NBAS: variants seen among roughly 807,000 people sequenced by gnomAD.
NBAS encodes the protein NBAS subunit of NRZ tethering complex, also known as NAG/BC035112 fusion.
Under a neutral mutation model 302.5 loss-of-function variants are expected in NBAS, and 219 were observed. The observed-to-expected ratio is 0.72, with a 90% CI of 0.65 to 0.81. NBAS has a LOEUF of 0.81. Ranked by LOEUF, NBAS falls within the 30% of genes least tolerant of loss-of-function variation. NBAS has a pLI of 0.00. For synonymous variants in NBAS, 1,118 were observed against 1,021.6 expected, an observed-to-expected ratio of 1.09 and a Z score of -1.80; for missense variants, 2,932 against 2,841.6, an observed-to-expected ratio of 1.03 and a Z score of -0.72.
intron 21 of NBAS, among the ~76,000 whole-genome samples, chr2:15,450,082 CACA>C (rs1277018718): frequency 6.6e-6 from 1 of 152,072 alleles, no homozygotes; most frequent in Non-Finnish European, 1.5e-5. Context: ...ATTTTATTAT[CACA>C]ACAAAATTAG....
At chr2:15,245,154 T>A (rs1441939984) in intron 44 of NBAS, among the ~76,000 whole-genome samples, 1 of 152,122 alleles carries the variant, frequency 6.6e-6, no homozygotes, top group Non-Finnish European at 1.5e-5. Flanking sequence ...CTCAAATCCG[T>A]GTAATGGCTT....
the NBAS span, among the ~76,000 whole-genome samples, chr2:15,045,411 G>A: frequency 1.3e-5 from 2 of 152,190 alleles, no homozygotes; most frequent in Non-Finnish European, 2.9e-5. Context: ...CAGTTGGAGT[G>A]GCCTTGCAGT....
the NBAS span, among the ~76,000 whole-genome samples, chr2:15,020,813 A>G: frequency 1.3e-5 from 2 of 152,164 alleles, no homozygotes; most frequent in South Asian, 2.1e-4. Context: ...AGAGAGCATT[A>G]CAACTCTGCT....
intron 21 of NBAS, among the ~76,000 whole-genome samples, chr2:15,453,614 A>C (rs1679118988): frequency 6.6e-6 from 1 of 152,136 alleles, no homozygotes; most frequent in African/African-American, 2.4e-5. Context: ...AGAAAGAAAA[A>C]TGGCAACACC....
chr2:15,287,711 T>G (rs920131892), intron 41 of NBAS, among the ~76,000 whole-genome samples: 1 of 149,250 alleles, frequency 6.7e-6, no homozygotes, highest in Non-Finnish European at 1.5e-5. Flanking sequence ...ACATCCCGCA[T>G]AGGCATCCCA....
chr2:15,354,199 A>C (rs1288786294), intron 33 of NBAS, among the ~76,000 whole-genome samples: 1 of 152,202 alleles, frequency 6.6e-6, no homozygotes, highest in Non-Finnish European at 1.5e-5. Flanking sequence ...GTAAACTGCA[A>C]AGTGCTAGAA....
At chr2:15,197,424 G>A (rs1572431770) in intron 48 of NBAS, among the ~76,000 whole-genome samples, 2 of 152,116 alleles carry the variant, frequency 1.3e-5, no homozygotes, top group Non-Finnish European at 2.9e-5. Flanking sequence ...TGCTGATGAC[G>A]TCTACTTCAT....
the NBAS span, among the ~76,000 whole-genome samples, chr2:15,082,046 G>C: frequency 6.6e-6 from 1 of 152,136 alleles, no homozygotes; most frequent in Non-Finnish European, 1.5e-5. Flanking sequence ...AATAAAGCAA[G>C]ACAACTTAAA....
At chr2:14,968,480 G>A in the NBAS span, among the ~76,000 whole-genome samples, 1 of 151,850 alleles carries the variant, frequency 6.6e-6, no homozygotes, top group African/African-American at 2.4e-5. Context: ...CAGCTGGAAT[G>A]TAGTAGCTAC....
chr2:15,066,970 A>T, the NBAS span, among the ~76,000 whole-genome samples: 2 of 152,110 alleles, frequency 1.3e-5, no homozygotes, highest in Non-Finnish European at 2.9e-5. Context: ...CCATCAACAG[A>T]TCAACCAATA....
the NBAS span, among the ~76,000 whole-genome samples, chr2:15,160,594 G>C: frequency 4.6e-5 from 5 of 108,402 alleles, 2 homozygotes; most frequent in South Asian, 1.3e-3. Context: ...GCGGGGGGAG[G>C]GGGGGGGGCA....
chr2:14,839,305 C>T, the NBAS span, among the ~76,000 whole-genome samples: 6 of 150,388 alleles, frequency 4.0e-5, no homozygotes, highest in African/African-American at 1.5e-4. Context: ...TCACCCAACT[C>T]AGGGTTTTTA....
chr2:14,911,589 G>A, the NBAS span, among the ~76,000 whole-genome samples: 6 of 152,266 alleles, frequency 3.9e-5, no homozygotes, highest in South Asian at 6.2e-4. Context: ...TACAATCTCC[G>A]AGACATGGTT....
Position 15,268,491 on chromosome 2 carries a change from G to A in NBAS, c.5724+6993C>T, listed in dbSNP as rs1572559137. On this transcript the variant is annotated intron_variant, in intron 44 of 51. Coordinates refer to ENST00000281513, the MANE Select transcript of NBAS (RefSeq NM_015909.4). ...CACATGATAAAATGGTAATACTTAG[G>A]ACAATTTTACCTAATTTGTTTGATT... Among the ~76,000 whole-genome samples the A allele has an allele frequency of 2.0e-5, 3 of 152,250 alleles. No individual in the cohort carries two copies. In the South Asian group the frequency reaches 6.2e-4, roughly 32 times the overall value.
chr2:15,329,639 A>C (rs1312450819), intron 36 of NBAS, among the ~76,000 whole-genome samples: 2 of 152,064 alleles, frequency 1.3e-5, no homozygotes, highest in Non-Finnish European at 2.9e-5. Flanking sequence ...CCACCTTCTG[A>C]TCTCATCTCC....
At chr2:15,559,103 G>C (rs1196525036) in intron 1 of NBAS, among the ~76,000 whole-genome samples, 1 of 143,858 alleles carries the variant, frequency 7.0e-6, no homozygotes, top group East Asian at 2.0e-4. Context: ...CACAGGACGC[G>C]GGACAATAGG....
chr2:15,397,464 C>T (rs1371426710), intron 26 of NBAS: 4 of 496,446 alleles, frequency 8.1e-6, no homozygotes, highest in African/African-American at 2.0e-5. Flanking sequence ...GGTTGTGGGG[C>T]AGCACCCGCA....
At chr2:14,818,136 A>G in the NBAS span, among the ~76,000 whole-genome samples, 6 of 152,136 alleles carry the variant, frequency 3.9e-5, no homozygotes, top group Non-Finnish European at 8.8e-5. Flanking sequence ...AGTATCTCAA[A>G]TCTCACTCAC....
At chr2:14,808,311 C>G in the NBAS span, among the ~76,000 whole-genome samples, 1 of 152,188 alleles carries the variant, frequency 6.6e-6, no homozygotes, top group Non-Finnish European at 1.5e-5. Context: ...CATCATGTGG[C>G]ATGGTGAATA....
Sources: gnomAD v4.1 joint callset for allele counts (sites outside exome capture counted in the v4.1 genomes callset) on GRCh38, gnomAD v4.1.1 for gene constraint, MANE v1.5 for transcripts, NCBI Gene and HGNC (gene_info 2026-07-23, HGNC 2026-07-21) for gene names.